CPEB4: variants seen among roughly 807,000 people sequenced by gnomAD.
The protein encoded by CPEB4 is cytoplasmic polyadenylation element binding protein 4.
CPEB4 carries 12 observed loss-of-function variants against 72.5 expected under a neutral mutation model. The ratio of observed to expected loss-of-function variants is 0.17; its 90% CI spans 0.11 to 0.27. The LOEUF is 0.27. CPEB4 is among the 10% of genes least tolerant of loss of function. The pLI is 1.00. For synonymous variants in CPEB4, 302 were observed against 326.3 expected, an observed-to-expected ratio of 0.93 and a Z score of 0.80; for missense variants, 614 against 908.5, an observed-to-expected ratio of 0.68 and a Z score of 4.17.
chr5:173,935,155 G>A (rs149180524), intron 3 of CPEB4, among the ~76,000 whole-genome samples: 205 of 152,154 alleles, frequency 1.3e-3, no homozygotes, highest in African/African-American at 4.8e-3. Context: ...TTTTGGTTAG[G>A]AATTAATCTC....
In CPEB4 at chr5:173,955,892, TC is replaced by T; in HGVS notation, c.1963-17del. 2 of 1,599,438 alleles carry T rather than the reference TC, an allele frequency of 1.3e-6. No individual in the cohort carries two copies. The highest frequency in any genetic ancestry group is 1.7e-6 in the Non-Finnish European group (2 of 1,168,688). On this transcript the variant is annotated splice_polypyrimidine_tract_variant and intron_variant, in intron 9 of 9. Transcript: ENST00000265085. The surrounding 1 kb of genome is among the most constrained non-coding windows in gnomAD (Gnocchi z 4.7). ...GGCCTAGTCACTGAAAAATGTAAAC[TC>T]TTATTTTTGATTGCAGGTGGAAGTT...
At position 173,961,663 on chromosome 5, in the gene CPEB4, G is replaced by A. The variant is rs926743412; in HGVS notation, c.*5526G>A. ...TCAAGTCATTTCATAACCCCTTTTG[G>A]TAATGGGTGTTTGTGTCCACAGCTA... On this transcript the variant is annotated 3_prime_UTR_variant, in exon 10 of 10. Coordinates refer to ENST00000265085, the MANE Select transcript of CPEB4 (RefSeq NM_030627.4). 2.0e-4 allele frequency: 31 copies of A among 151,360 alleles called. No individual in the cohort carries two copies. The highest frequency in any genetic ancestry group is 7.0e-4 in the African/African-American group (29 of 41,368). 9.4% of individuals were successfully genotyped at this position (151,360 alleles called of 1,614,324 possible). A position where few individuals can be genotyped will look rare whatever the true frequency, so the allele number is the denominator to read the frequency against.
At chr5:173,908,592 G>A (rs890717420) in intron 1 of CPEB4, among the ~76,000 whole-genome samples, 2 of 152,180 alleles carry the variant, frequency 1.3e-5, no homozygotes, top group Non-Finnish European at 2.9e-5. Flanking sequence ...AGGAGGAGTG[G>A]TCCCTATTTC....
chr5:173,929,538 T>A (rs6556095), intron 2 of CPEB4, among the ~76,000 whole-genome samples: 98,746 of 151,736 alleles, frequency 0.65, 32,985 homozygotes, highest in Non-Finnish European at 0.73. Flanking sequence ...CATCTCTACA[T>A]AAAATAAAAA....
intron 2 of CPEB4, among the ~76,000 whole-genome samples, chr5:173,913,840 A>G (rs1424158040): frequency 6.6e-6 from 1 of 152,246 alleles, no homozygotes; most frequent in African/African-American, 2.4e-5. Context: ...AGATCTGGTT[A>G]AACGGCCACT....
intron 2 of CPEB4, among the ~76,000 whole-genome samples, chr5:173,917,967 C>T (rs1421220825): frequency 6.6e-6 from 1 of 152,130 alleles, no homozygotes; most frequent in Non-Finnish European, 1.5e-5. Context: ...TTGGATGATA[C>T]CAAGTAATTC....
chr5:173,910,509 G>T lies in CPEB4; in HGVS notation c.1126-14G>T. ...CTATTTTAAAAAGTGGTTTGTGGCT[G>T]TTTGTGTCTACAGGATCGCCCCAGG... On this transcript the variant is annotated splice_polypyrimidine_tract_variant and intron_variant, in intron 1 of 9. Transcript: ENST00000265085. The T allele has an allele frequency of 6.2e-7, 1 of 1,601,084 alleles. No individual in the cohort carries two copies. Among genetic ancestry groups the T allele is most frequent in the Non-Finnish European group, 8.5e-7 (1 of 1,170,140 alleles).
At chr5:173,901,822 A>T (rs748899424) in intron 1 of CPEB4, among the ~76,000 whole-genome samples, 1 of 152,226 alleles carries the variant, frequency 6.6e-6, no homozygotes, top group African/African-American at 2.4e-5. Flanking sequence ...GCCACTTTCT[A>T]TATCAGTGGC....
At chr5:173,895,424 A>G (rs1755970553) in intron 1 of CPEB4, among the ~76,000 whole-genome samples, 1 of 152,206 alleles carries the variant, frequency 6.6e-6, no homozygotes. Context: ...AAAAGACAAA[A>G]TCAGTATGTC....
At chr5:173,905,269 T>C (rs1756392727) in intron 1 of CPEB4, among the ~76,000 whole-genome samples, 1 of 151,996 alleles carries the variant, frequency 6.6e-6, no homozygotes, top group South Asian at 2.1e-4. Context: ...CCCCAGCAAA[T>C]TTTTTAAGTA....
At position 173,959,259 on chromosome 5, in the gene CPEB4, A is replaced by G. The variant is rs1758473464; in HGVS notation, c.*3122A>G. ...AATTACATGGTGATTTTTGCAATGT[A>G]AAATAAAGTGTTTCTGATTATTTTC... is the stretch of plus-strand genomic sequence containing the variant. On this transcript the variant is annotated 3_prime_UTR_variant, in exon 10 of 10. Transcript: ENST00000265085. The G allele has an allele frequency of 6.5e-6, 1 of 152,796 alleles. No homozygotes were observed. Among genetic ancestry groups the G allele is most frequent in the African/African-American group, 2.4e-5 (1 of 41,470 alleles). 9.5% of individuals were successfully genotyped at this position (152,796 alleles called of 1,614,324 possible).
intron 3 of CPEB4, among the ~76,000 whole-genome samples, chr5:173,942,198 C>T (rs1195188310): frequency 6.6e-6 from 1 of 152,220 alleles, no homozygotes; most frequent in Non-Finnish European, 1.5e-5. Context: ...CTGCTAGTTC[C>T]TGGAGGTCAG....
chr5:173,927,434 AAGTT>A (rs1757285258), intron 2 of CPEB4, among the ~76,000 whole-genome samples: 2 of 152,174 alleles, frequency 1.3e-5, no homozygotes, highest in Admixed American at 1.3e-4. Flanking sequence ...TTAGGTAAGA[AAGTT>A]AGTTGTTGCT....
chr5:173,948,737 G>T (rs758816974), intron 5 of CPEB4, among the ~76,000 whole-genome samples: 1 of 152,120 alleles, frequency 6.6e-6, no homozygotes, highest in Admixed American at 6.6e-5. Flanking sequence ...AGATCAAGGT[G>T]CCAGCAAATT....
At chr5:173,923,082 TATATC>T (rs1158719161) in intron 2 of CPEB4, among the ~76,000 whole-genome samples, 1 of 152,190 alleles carries the variant, frequency 6.6e-6, no homozygotes, top group African/African-American at 2.4e-5. Flanking sequence ...GTGAAATTCT[TATATC>T]AGATATAAAA....
chr5:173,890,507 C>A lies in CPEB4; in HGVS notation c.774C>A (p.Pro258=), dbSNP rs778043905. Residue 258 remains proline, a synonymous_variant, in exon 1 of 10, where the codon CCC becomes CCA. Transcript: ENST00000265085. Reference sequence around the variant, plus strand: ...GGAGGTCTCCTGCCAGTCCCCATCCCCCACCCTTCACACATAGAAATGCTG... The same window carrying A: ...GGAGGTCTCCTGCCAGTCCCCATCCACCACCCTTCACACATAGAAATGCTG... ...QQRRSPASPH[P]PPFTHRNAAF... The A allele has an allele frequency of 1.9e-6, 3 of 1,613,520 alleles. No homozygotes were observed. The highest frequency in any genetic ancestry group is 2.5e-6 in the Non-Finnish European group (3 of 1,179,716).
At chr5:173,899,432 C>T (rs1230025956) in intron 1 of CPEB4, among the ~76,000 whole-genome samples, 1 of 151,960 alleles carries the variant, frequency 6.6e-6, no homozygotes, top group Non-Finnish European at 1.5e-5. Flanking sequence ...GAAGCAAGGC[C>T]CACATTTCTG....
rs150726472 is a variant in CPEB4 at position 173,920,915 on chromosome 5, A to T, written c.1207+10311A>T. 4.3e-3 allele frequency among the ~76,000 whole-genome samples: 660 copies of T among 152,304 alleles called. 1 individual carries two copies. Among genetic ancestry groups the T allele is most frequent in the Non-Finnish European group, 7.8e-3 (534 of 68,028 alleles). ...CTAAACTACATCTTTTCTTTTTGAG[A>T]TAGGCCTAAAAATATTATGTTTAGA... On this transcript the variant is annotated intron_variant, in intron 2 of 9. Transcript: ENST00000265085.
Position 173,951,809 on chromosome 5 carries a change from T to C in CPEB4, c.1666-15T>C. 6.5e-7 allele frequency: 1 copy of C among 1,543,752 alleles called. No homozygotes were observed. The highest frequency in any genetic ancestry group is 1.7e-4 in the Middle Eastern group (1 of 5,920). On this transcript the variant is annotated splice_polypyrimidine_tract_variant and intron_variant, in intron 7 of 9. Transcript: ENST00000265085. ...TGTATTGAGAATGAGACATTTTGGT[T>C]TGTACATTCCCTAGGTCCAGATTCG...
Sources: allele counts gnomAD v4.1 joint callset (sites outside exome capture counted in the v4.1 genomes callset), GRCh38; gene constraint gnomAD v4.1.1; non-coding constraint Gnocchi (gnomAD v3.1); transcripts MANE v1.5; gene names NCBI Gene and HGNC (gene_info 2026-07-23, HGNC 2026-07-21).